Variants in ITSN2 observed in about 807,000 individuals in gnomAD.
The protein encoded by ITSN2 is intersectin-2.
A neutral mutation model predicts 243.7 loss-of-function variants in ITSN2; 156 were observed. The observed-to-expected ratio is 0.64, with a 90% CI of 0.56 to 0.73. The LOEUF is 0.73. Among genes scored for constraint, ITSN2 ranks in the 30% least tolerant of loss-of-function variants. The pLI, the probability that ITSN2 is intolerant of heterozygous loss-of-function variation, is 0.00. For missense variants in ITSN2, 1,801 were observed against 1,996.1 expected (o/e 0.90, Z 1.86); for synonymous variants, 703 against 699.9 (o/e 1.00, Z -0.07).
intron 1 of ITSN2, among the ~76,000 whole-genome samples, chr2:24,344,728 G>C (rs561495155): frequency 6.6e-6 from 1 of 152,270 alleles, no homozygotes; most frequent in South Asian, 2.1e-4. Flanking sequence ...GAGGCAGGTG[G>C]ATCACCTGAG....
At chr2:24,308,987 G>A (rs1220738718) in intron 7 of ITSN2, 1 of 512,406 alleles carries the variant, frequency 2.0e-6, no homozygotes. Context: ...ATTCTCATAA[G>A]AGTGCAAACC....
At position 24,246,883 on chromosome 2, in the gene ITSN2, T is replaced by C. The variant is rs756889559; in HGVS notation, c.3299A>G (p.Lys1100Arg). Reference sequence around the variant, plus strand: ...AGGAAACCATCCTTTCTGTCGCTTTTTTCCTCTGGCCTAAAAATTAGCAAA... The same window carrying C: ...AGGAAACCATCCTTTCTGTCGCTTTCTTCCTCTGGCCTAAAAATTAGCAAA... The part of the protein sequence containing the change: ...WWQGELQARG[K>R]KRQKGWFPAS... The change falls in exon 28 of 40, where the codon AAA becomes AGA. Residue 1100 changes from lysine (K) to arginine (R), a missense_variant. By Grantham distance (26) the Lys-to-Arg change is conservative (BLOSUM62 2). Transcript: ENST00000355123. 1.2e-6 allele frequency: 2 copies of C among 1,611,690 alleles called. No homozygotes were observed. Among genetic ancestry groups the C allele is most frequent in the Non-Finnish European group, 1.7e-6 (2 of 1,178,612 alleles).
intron 13 of ITSN2, among the ~76,000 whole-genome samples, chr2:24,297,907 A>G (rs958953848): frequency 1.3e-5 from 2 of 152,232 alleles, no homozygotes; most frequent in African/African-American, 2.4e-5. Context: ...CATATTGTAC[A>G]GTCTGTTTAT....
intron 13 of ITSN2, 62 bp from the exon 14 acceptor site, chr2:24,295,866 G>T: frequency 1.7e-6 from 2 of 1,186,156 alleles, no homozygotes; most frequent in Non-Finnish European, 1.2e-6. Context: ...GTTTCTACAA[G>T]GAGAATAATA....
chr2:24,337,237 T>A (rs1256228208), intron 1 of ITSN2, among the ~76,000 whole-genome samples: 1 of 142,676 alleles, frequency 7.0e-6, no homozygotes, highest in African/African-American at 2.6e-5. Context: ...AAAAGCACAA[T>A]CATCAATCAT....
chr2:24,280,913 C>A (rs1018516031), intron 17 of ITSN2, among the ~76,000 whole-genome samples: 7 of 152,212 alleles, frequency 4.6e-5, no homozygotes, highest in Non-Finnish European at 8.8e-5. Flanking sequence ...TTATTACACC[C>A]TGAGTCTTAC....
Position 24,203,560 on chromosome 2 carries a change from G to C in ITSN2, c.*66C>G, listed in dbSNP as rs1668530716. On this transcript the variant is annotated 3_prime_UTR_variant, in exon 40 of 40. Transcript: ENST00000355123. Reference sequence around the variant, plus strand: ...ATGGTGCTCCCTCAGCCCCAAGAGAGCGCAGTCTCTCATTCTCCAGCCCCA... The same window carrying C: ...ATGGTGCTCCCTCAGCCCCAAGAGACCGCAGTCTCTCATTCTCCAGCCCCA... 9 of 1,508,954 alleles carry C rather than the reference G, an allele frequency of 6.0e-6. No homozygotes were observed. The highest frequency in any genetic ancestry group is 2.8e-5 in the African/African-American group (2 of 72,008). 93.5% of individuals were successfully genotyped at this position (1,508,954 alleles called of 1,614,324 possible).
chr2:24,291,513 C>T (rs769259686), intron 15 of ITSN2, among the ~76,000 whole-genome samples: 41 of 122,588 alleles, frequency 3.3e-4, no homozygotes, highest in Admixed American at 2.4e-3. Context: ...TTTTTTGAGA[C>T]GGAGTCTCGC....
chr2:24,224,804 A>G (rs1262964514), intron 29 of ITSN2, among the ~76,000 whole-genome samples: 1 of 152,114 alleles, frequency 6.6e-6, no homozygotes, highest in African/African-American at 2.4e-5. Context: ...TAATTTTTGT[A>G]TCTTTAGTAG....
chr2:24,210,057 T>G (rs1332461174), intron 34 of ITSN2, 24 bp from the exon 35 acceptor site: 3 of 1,579,200 alleles, frequency 1.9e-6, no homozygotes, highest in Non-Finnish European at 2.6e-6. Flanking sequence ...AAAATTTCAC[T>G]TTTTAAATCC....
chr2:24,315,059 T>A, intron 3 of ITSN2, 73 bp downstream of exon 3: 1 of 660,182 alleles, frequency 1.5e-6, no homozygotes, highest in South Asian at 2.9e-5. Flanking sequence ...TTGATGGCAG[T>A]CAAATTAAAA....
intron 29 of ITSN2, chr2:24,241,079 C>A (rs571632325): frequency 2.0e-5 from 3 of 152,258 alleles, no homozygotes; most frequent in African/African-American, 7.2e-5. Context: ...AGGTGTTACA[C>A]AGCTTTCCTT....
At chr2:24,212,529 C>G in intron 33 of ITSN2, 121 bp downstream of exon 33, 1 of 679,840 alleles carries the variant, frequency 1.5e-6, no homozygotes, top group Non-Finnish European at 2.5e-6. Flanking sequence ...ATCACTTGTG[C>G]GGTGTCACAC....
In ITSN2 at chr2:24,300,126, A is replaced by G. The variant is rs767478815; in HGVS notation, c.1127T>C (p.Met376Thr). 1.5e-5 allele frequency: 24 copies of G among 1,613,976 alleles called. No homozygotes were observed. Among genetic ancestry groups the G allele is most frequent in the Non-Finnish European group, 1.9e-5 (23 of 1,180,026 alleles). The change falls in exon 12 of 40, where the codon ATG becomes ACG. Residue 376 changes from methionine to threonine, a missense_variant. Physicochemically the swap from Met to Thr is moderately conservative, Grantham distance 81. Around this residue, in one of 5 missense-constraint regions of ITSN2, gnomAD observed 787 missense variants for 803.9 expected, o/e 0.98. Coordinates refer to ENST00000355123, the MANE Select transcript of ITSN2 (RefSeq NM_006277.3). The stretch of plus-strand genomic sequence containing the variant: ...GGCTTGGCGTCGCTTTTCCAGCTCC[A>G]TGTTCCCTCGCTCATAGTTGGCTTT... ...KRKANYERGN[M>T]ELEKRRQALM...
intron 16 of ITSN2, among the ~76,000 whole-genome samples, chr2:24,285,582 C>A (rs1287100631): frequency 1.3e-5 from 2 of 152,164 alleles, no homozygotes; most frequent in South Asian, 4.1e-4. Flanking sequence ...ACATTCTATG[C>A]CATGAGCCTG....
At chr2:24,314,372 T>C (rs928732383) in intron 3 of ITSN2, among the ~76,000 whole-genome samples, 12 of 152,172 alleles carry the variant, frequency 7.9e-5, no homozygotes, top group African/African-American at 2.4e-4. Context: ...GTTAAGTAGA[T>C]GGATTCCAAA....
At chr2:24,284,041 T>C (rs541071944) in intron 17 of ITSN2, among the ~76,000 whole-genome samples, 19 of 152,344 alleles carry the variant, frequency 1.2e-4, no homozygotes, top group Non-Finnish European at 1.8e-4. Context: ...GTGGAATATA[T>C]ATGCATATAG....
At chr2:24,272,771 T>C (rs1299438834) in intron 18 of ITSN2, among the ~76,000 whole-genome samples, 1 of 152,146 alleles carries the variant, frequency 6.6e-6, no homozygotes, top group Non-Finnish European at 1.5e-5. Context: ...GTCTTTTTTG[T>C]TTGCTTAGAT....
intron 23 of ITSN2, among the ~76,000 whole-genome samples, chr2:24,256,193 C>T (rs1675028368): frequency 6.6e-6 from 1 of 152,218 alleles, no homozygotes; most frequent in Non-Finnish European, 1.5e-5. Flanking sequence ...CACTGCGCTC[C>T]AGCCTGGCCG....
Sources: gnomAD v4.1 joint callset for allele counts (sites outside exome capture counted in the v4.1 genomes callset) on GRCh38, gnomAD v4.1.1 for gene constraint, gnomAD v4.1.1 regional missense constraint, MANE v1.5 for transcripts, NCBI Gene and HGNC (gene_info 2026-07-23, HGNC 2026-07-21) for gene names.